The following HSPG2 variants were observed in gnomAD, a reference collection of about 807,000 sequenced individuals.
HSPG2 encodes heparan sulfate proteoglycan 2, also known as basement membrane-specific heparan sulfate proteoglycan core protein.
In HSPG2, 278 loss-of-function variants were observed where a neutral mutation model predicts 526.6. The ratio of observed to expected loss-of-function variants is 0.53; its 90% CI spans 0.48 to 0.58. HSPG2 has a LOEUF of 0.58. Among genes scored for constraint, HSPG2 ranks in the 20% least tolerant of loss-of-function variants. HSPG2 has a pLI of 0.00. For missense variants in HSPG2, 5,354 were observed against 6,099.5 expected (o/e 0.88, Z 4.07); for synonymous variants, 2,465 against 2,555.4 (o/e 0.96, Z 1.07).
In HSPG2 at chr1:21,873,091, C is replaced by A; in HGVS notation, c.3794G>T (p.Arg1265Ile). Residue 1265 changes from arginine to isoleucine, a missense_variant and splice_region_variant, in exon 31 of 97, where the codon AGA (arginine) becomes ATA (isoleucine). Arg to Ile is a moderately conservative substitution (Grantham distance 97). Transcript: ENST00000374695. ...TATGGGCCCTGGCACCTGGCTGTCT[C>A]CTGAGGTGGAAGAAAGCCATGGCTG... The part of the protein sequence containing the change: ...GNPSQGQPCQ[R>I]DSQVPGPIGC... The A allele has an allele frequency of 6.3e-7, 1 of 1,599,860 alleles. No homozygotes were observed. Among genetic ancestry groups the A allele is most frequent in the Non-Finnish European group, 8.5e-7 (1 of 1,179,400 alleles).
chr1:21,855,603 G>T lies in HSPG2; in HGVS notation c.5774C>A (p.Pro1925His). ...GCACAAGTACTGGGCCTGATCCGTGGGCTCGACAGCTGGCAGGCGCAGGAT... is the reference window on the plus strand; with the variant it reads ...GCACAAGTACTGGGCCTGATCCGTGTGCTCGACAGCTGGCAGGCGCAGGAT... ...GGILRLPAVE[P>H]TDQAQYLCRA... The change falls in exon 46 of 97, where the codon CCC becomes CAC. Residue 1925 changes from proline (P) to histidine (H), a missense_variant. By Grantham distance (77) the Pro-to-His change is moderately conservative. Transcript: ENST00000374695. 6.3e-7 allele frequency: 1 copy of T among 1,584,038 alleles called. No homozygotes were observed. Among genetic ancestry groups the T allele is most frequent in the Non-Finnish European group, 8.6e-7 (1 of 1,167,452 alleles).
Position 21,887,087 on chromosome 1 carries a change from G to A in HSPG2, c.1078+128C>T, listed in dbSNP as rs1285928344. On this transcript the variant is annotated intron_variant, in intron 9 of 96. Transcript: ENST00000374695. The surrounding 1 kb of genome is among the most constrained non-coding windows in gnomAD (Gnocchi z 5.0). ...CTCAGCCAGGGAGAGCAAACAAACA[G>A]GCTTGGGGGACTGGGGAGGGGGGAA... 1.9e-6 allele frequency: 2 copies of A among 1,073,090 alleles called. No homozygotes were observed. The highest frequency in any genetic ancestry group is 2.7e-6 in the Non-Finnish European group (2 of 728,158). 66.5% of individuals were successfully genotyped at this position (1,073,090 alleles called of 1,614,324 possible).
rs573112021 is a variant in HSPG2, at chr1:21,884,730, G to A, written c.1507+37C>T. On this transcript the variant is annotated intron_variant, in intron 12 of 96. Coordinates refer to ENST00000374695, the MANE Select transcript of HSPG2 (RefSeq NM_005529.7). ...CGGCTGTGGTGGGCAGCCCGGCTCT[G>A]CCCCCACACCCGGTGACACCTGCCC... 2.0e-5 allele frequency: 33 copies of A among 1,611,582 alleles called. No individual in the cohort carries two copies. The African/African-American group carries it at 2.9e-4, about 14-fold the overall frequency.
intron 25 of HSPG2, 72 bp downstream of exon 25, chr1:21,875,557 T>G (rs1572324570): frequency 9.0e-7 from 1 of 1,111,068 alleles, no homozygotes. Flanking sequence ...TAAGTGGCTG[T>G]GCTGTACTGC....
In HSPG2 at chr1:21,937,247, T is replaced by TCGCTCCGCGCCGCC. The variant is rs1291055704; in HGVS notation, c.-44_-31dup. On this transcript the variant is annotated 5_prime_UTR_variant, in exon 1 of 97. Coordinates refer to ENST00000374695, the MANE Select transcript of HSPG2 (RefSeq NM_005529.7). ...CGGCCCGCGCCGCTCTCTCGCTCGC[T>TCGCTCCGCGCCGCC]CGCTCCGCGCCGCCCGCTCCGCGCC... 6.6e-5 allele frequency: 56 copies of TCGCTCCGCGCCGCC among 850,634 alleles called. No individual in the cohort carries two copies. In the South Asian group the frequency reaches 7.3e-4, roughly 11 times the overall value. The allele number at this position is 850,634 out of a possible 1,614,324, so 52.7% of individuals were successfully genotyped here.
At chr1:21,897,204 C>A (rs904681035) in intron 1 of HSPG2, among the ~76,000 whole-genome samples, 3 of 152,178 alleles carry the variant, frequency 2.0e-5, no homozygotes, top group Non-Finnish European at 4.4e-5. Context: ...CAGGGGAGCC[C>A]AAGGGAACCC....
Position 21,848,965 on chromosome 1 carries a change from C to T in HSPG2, c.7513G>A (p.Val2505Met), listed in dbSNP as rs764268252. ...PADSGEYVCR[V>M]VGSSGTQEAS... ...TCCTGGGTACCTGAGCTGCCGACCA[C>T]ACGGCACACGTACTCCCCTGAATCA... The change falls in exon 58 of 97, where the codon GTG (valine) becomes ATG (methionine). Residue 2505 changes from valine to methionine, a missense_variant. Coordinates refer to ENST00000374695, the MANE Select transcript of HSPG2 (RefSeq NM_005529.7). The surrounding 1 kb of genome is among the most constrained non-coding windows in gnomAD (Gnocchi z 4.9). The T allele has an allele frequency of 3.1e-6, 5 of 1,614,034 alleles. No individual in the cohort carries two copies. The highest frequency in any genetic ancestry group is 3.4e-6 in the Non-Finnish European group (4 of 1,180,012).
At chr1:21,826,454 A>G (rs2097974965) in intron 91 of HSPG2, among the ~76,000 whole-genome samples, 1 of 151,552 alleles carries the variant, frequency 6.6e-6, no homozygotes, top group African/African-American at 2.4e-5. Context: ...TCTGCCCGCC[A>G]CAGCCTCCCA....
Position 21,841,984 on chromosome 1 carries a change from C to CCCA in HSPG2, c.9193+15_9193+17dup, listed in dbSNP as rs750740996. 1 of 1,612,550 alleles carries CCCA rather than the reference C, an allele frequency of 6.2e-7. No individual in the cohort carries two copies. Among genetic ancestry groups the CCCA allele is most frequent in the South Asian group, 1.1e-5 (1 of 91,022 alleles). On this transcript the variant is annotated intron_variant, in intron 69 of 96. Coordinates refer to ENST00000374695, the MANE Select transcript of HSPG2 (RefSeq NM_005529.7). The stretch of plus-strand genomic sequence containing the variant: ...TGCCTGCCCCCAGCTTGCCCACCTG[C>CCCA]CCACCAGCCTGGCTCACCCTCCAGC...
chr1:21,914,009 C>T (rs1267351472), intron 1 of HSPG2, among the ~76,000 whole-genome samples: 1 of 152,182 alleles, frequency 6.6e-6, no homozygotes, highest in Non-Finnish European at 1.5e-5. Context: ...AGCTGTGAGT[C>T]ATTTAGCCCA....
intron 33 of HSPG2, chr1:21,870,813 C>G: frequency 1.0e-6 from 1 of 986,262 alleles, no homozygotes; most frequent in Admixed American, 6.1e-5. Flanking sequence ...CAACTTCACA[C>G]CACGCACGTC....
chr1:21,864,043 T>G lies in HSPG2; in HGVS notation c.4740+57A>C. On this transcript the variant is annotated intron_variant, in intron 37 of 96. Coordinates refer to ENST00000374695, the MANE Select transcript of HSPG2 (RefSeq NM_005529.7). This position sits in a 1 kb window ranked among gnomAD's most constrained non-coding sequence, Gnocchi z 4.8. The stretch of plus-strand genomic sequence containing the variant: ...TGATGCCTGCCTTGTCCAGCCCTGG[T>G]CCCCCACCCAGGCCCAGCTGAGCTG... The G allele has an allele frequency of 7.5e-7, 1 of 1,324,934 alleles. No individual in the cohort carries two copies. Among genetic ancestry groups the G allele is most frequent in the Non-Finnish European group, 1.1e-6 (1 of 942,622 alleles). 82.1% of individuals were successfully genotyped at this position (1,324,934 alleles called of 1,614,324 possible).
Position 21,831,473 on chromosome 1 carries a change from G to C in HSPG2, c.11442C>G (p.Ser3814Arg). Residue 3814 changes from serine to arginine, a missense_variant, in exon 83 of 97, where the codon AGC becomes AGG. Coordinates refer to ENST00000374695, the MANE Select transcript of HSPG2 (RefSeq NM_005529.7). Reference sequence around the variant, plus strand: ...GGGGAGGGGGCTCACCTATGAAGCCGCTGCTCAGCCCCGCCTTGGGGATGG... The same window carrying C: ...GGGGAGGGGGCTCACCTATGAAGCCCCTGCTCAGCCCCGCCTTGGGGATGG... Reference protein sequence around the residue: ...YGAIPKAGLSSGFIGCVRELR... With the variant: ...YGAIPKAGLSRGFIGCVRELR... 1 of 1,613,950 alleles carries C rather than the reference G, an allele frequency of 6.2e-7. No individual in the cohort carries two copies. Among genetic ancestry groups the C allele is most frequent in the Non-Finnish European group, 8.5e-7 (1 of 1,179,852 alleles).
At chr1:21,861,555 G>A (rs1357088224) in intron 39 of HSPG2, among the ~76,000 whole-genome samples, 1 of 152,148 alleles carries the variant, frequency 6.6e-6, no homozygotes, top group Admixed American at 6.5e-5. Flanking sequence ...TTGGGTGTCA[G>A]AAGTGGGATG....
chr1:21,831,188 C>G (rs1254835359), intron 84 of HSPG2, 27 bp downstream of exon 84: 2 of 1,607,882 alleles, frequency 1.2e-6, no homozygotes, highest in Admixed American at 3.3e-5. Flanking sequence ...CCACGGCAGC[C>G]AGGTGGTGTG....
chr1:21,904,437 C>T lies in HSPG2; in HGVS notation c.64-8127G>A, dbSNP rs897536699. 4.6e-5 allele frequency among the ~76,000 whole-genome samples: 7 copies of T among 152,226 alleles called. No individual in the cohort carries two copies. The highest frequency in any genetic ancestry group is 1.9e-4 in the East Asian group (1 of 5,184). ...TGTGAGTGGCAGAGGAGTCAAAGGG[C>T]GGCACGAGTGGGCTTTTCCATTTAA... On this transcript the variant is annotated intron_variant, in intron 1 of 96. Coordinates refer to ENST00000374695, the MANE Select transcript of HSPG2 (RefSeq NM_005529.7). The surrounding 1 kb of genome is among the most constrained non-coding windows in gnomAD (Gnocchi z 4.4).
rs527441398 is a variant in HSPG2 at position 21,858,520 on chromosome 1, A to C, written c.5293+1046T>G. 7.9e-5 allele frequency among the ~76,000 whole-genome samples: 12 copies of C among 152,256 alleles called. 1 individual carries two copies. Among genetic ancestry groups the C allele is most frequent in the Admixed American group, 5.9e-4 (9 of 15,300 alleles). The stretch of plus-strand genomic sequence containing the variant: ...CTCATTTCTCTGGCTGGGGCCTCTT[A>C]CTGGAGTTCAGACTCACATACCCAA... On this transcript the variant is annotated intron_variant, in intron 42 of 96. Transcript: ENST00000374695. This position sits in a 1 kb window ranked among gnomAD's most constrained non-coding sequence, Gnocchi z 4.2.
chr1:21,865,373 G>C lies in HSPG2; in HGVS notation c.4315-8C>G. On this transcript the variant is annotated splice_region_variant and splice_polypyrimidine_tract_variant and intron_variant, in intron 34 of 96. Coordinates refer to ENST00000374695, the MANE Select transcript of HSPG2 (RefSeq NM_005529.7). This position sits in a 1 kb window ranked among gnomAD's most constrained non-coding sequence, Gnocchi z 5.4. ...TAGCATGATGTTGTTGCCCTGGAAA[G>C]ACACCAGCAGGATTGGAAGGGGAGC... 6.2e-7 allele frequency: 1 copy of C among 1,613,982 alleles called. No homozygotes were observed. The highest frequency in any genetic ancestry group is 8.5e-7 in the Non-Finnish European group (1 of 1,179,912).
Position 21,890,401 on chromosome 1 carries a change from G to T in HSPG2, c.413+26C>A. The T allele has an allele frequency of 6.2e-7, 1 of 1,610,850 alleles. No homozygotes were observed. The highest frequency in any genetic ancestry group is 8.5e-7 in the Non-Finnish European group (1 of 1,177,328). ...CCAGGTTACCCGCTCAAGTCCCCCA[G>T]CAGCCCCCAGGGAGCCCCTTCTCAC... On this transcript the variant is annotated intron_variant, in intron 5 of 96. Transcript: ENST00000374695. This position sits in a 1 kb window ranked among gnomAD's most constrained non-coding sequence, Gnocchi z 4.1.
Sources: allele counts gnomAD v4.1 joint callset (sites outside exome capture counted in the v4.1 genomes callset), GRCh38; gene constraint gnomAD v4.1.1; non-coding constraint Gnocchi (gnomAD v3.1); transcripts MANE v1.5; gene names NCBI Gene and HGNC (gene_info 2026-07-23, HGNC 2026-07-21).